The following DHX35 variants were observed in gnomAD, a reference collection of about 807,000 sequenced individuals.
DHX35 encodes the protein probable ATP-dependent RNA helicase DHX35.
In DHX35, 84 loss-of-function variants were observed where a neutral mutation model predicts 99.6. That is an observed-to-expected ratio of 0.84 (90% confidence interval 0.71 to 1.01). The LOEUF (loss-of-function observed/expected upper bound fraction) is 1.01. Among genes scored for constraint, DHX35 ranks in the 50% least tolerant of loss-of-function variants. The pLI, the probability that DHX35 is intolerant of heterozygous loss-of-function variation, is 0.00. For missense variants in DHX35, 852 were observed against 888.5 expected (o/e 0.96, Z 0.52); for synonymous variants, 331 against 316.2 (o/e 1.05, Z -0.50).
chr20:39,015,739 G>C (rs138828615), intron 14 of DHX35, among the ~76,000 whole-genome samples: 94 of 152,010 alleles, frequency 6.2e-4, no homozygotes, highest in African/African-American at 2.2e-3. Flanking sequence ...AAATTCAGAG[G>C]CTTTTAGCAT....
chr20:38,987,557 A>C (rs2086269477), intron 4 of DHX35, among the ~76,000 whole-genome samples: 2 of 152,196 alleles, frequency 1.3e-5, no homozygotes, highest in South Asian at 4.2e-4. Flanking sequence ...AATTAAACTA[A>C]ATGATATTCA....
Position 39,006,285 on chromosome 20 carries a change from A to C in DHX35, c.1151A>C (p.Gln384Pro). Residue 384 changes from glutamine (Q) to proline (P), a missense_variant, in exon 12 of 22, where the codon CAG (glutamine) becomes CCG (proline). Physicochemically the swap from Gln to Pro is moderately conservative, Grantham distance 76 (BLOSUM62 -1). Transcript: ENST00000252011. ...TGCTTGGTGGTGGTGCCAGTCTCCCAGGCATCAGCTAATCAGCGAGCAGGA... is the reference window on the plus strand; with the variant it reads ...TGCTTGGTGGTGGTGCCAGTCTCCCCGGCATCAGCTAATCAGCGAGCAGGA... ...IECLVVVPVS[Q>P]ASANQRAGRG... 6.2e-7 allele frequency: 1 copy of C among 1,614,162 alleles called. No homozygotes were observed. Among genetic ancestry groups the C allele is most frequent in the East Asian group, 2.2e-5 (1 of 44,878 alleles).
At chr20:38,963,837 T>C (rs949800485) in intron 1 of DHX35, among the ~76,000 whole-genome samples, 2 of 152,186 alleles carry the variant, frequency 1.3e-5, no homozygotes, top group African/African-American at 2.4e-5. Context: ...AAGTTAGATG[T>C]CCTCTAGAAG....
At chr20:38,995,505 CAA>C (rs1412726950) in intron 8 of DHX35, among the ~76,000 whole-genome samples, 3 of 147,936 alleles carry the variant, frequency 2.0e-5, no homozygotes, top group Non-Finnish European at 3.0e-5. Context: ...GCTTGGGCAA[CAA>C]GAGCAAAACT....
At chr20:39,033,322 G>A (rs2087090330) in intron 20 of DHX35, among the ~76,000 whole-genome samples, 1 of 152,062 alleles carries the variant, frequency 6.6e-6, no homozygotes, top group South Asian at 2.1e-4. Flanking sequence ...GTTAAATTTG[G>A]GAGTTGCTTA....
intron 11 of DHX35, among the ~76,000 whole-genome samples, chr20:39,004,872 G>A (rs1278210912): frequency 6.6e-6 from 1 of 152,164 alleles, no homozygotes; most frequent in African/African-American, 2.4e-5. Context: ...AGACCACCTG[G>A]AAGAGGGTGC....
intron 10 of DHX35, among the ~76,000 whole-genome samples, chr20:39,003,323 G>C (rs1208008438): frequency 6.6e-6 from 1 of 152,168 alleles, no homozygotes; most frequent in African/African-American, 2.4e-5. Flanking sequence ...ATTCAGACCT[G>C]CCCTCCAACT....
chr20:39,032,204 GAC>G (rs2087065733), intron 20 of DHX35, among the ~76,000 whole-genome samples: 1 of 152,144 alleles, frequency 6.6e-6, no homozygotes, highest in South Asian at 2.1e-4. Flanking sequence ...GTGTTTTTGA[GAC>G]AGTGTCTCAA....
At chr20:38,968,985 T>G (rs755017906) in intron 1 of DHX35, 96 bp from the exon 2 acceptor site, 11 of 1,342,570 alleles carry the variant, frequency 8.2e-6, no homozygotes, top group South Asian at 5.1e-5. Context: ...AAGTATTGCT[T>G]CTTCTGTATA....
chr20:39,035,311 A>T (rs1408514523), intron 21 of DHX35, among the ~76,000 whole-genome samples: 1 of 149,730 alleles, frequency 6.7e-6, no homozygotes, highest in African/African-American at 2.5e-5. Flanking sequence ...ACCTCTGGTG[A>T]TCCGCCCGCC....
intron 18 of DHX35, 24 bp downstream of exon 18, chr20:39,025,383 G>T: frequency 3.1e-6 from 5 of 1,609,626 alleles, no homozygotes; most frequent in Non-Finnish European, 4.2e-6. Flanking sequence ...GTCCCAGCTG[G>T]TGACCTCCCT....
At chr20:39,025,126 C>A in intron 17 of DHX35, 104 bp from the exon 18 acceptor site, 1 of 1,324,144 alleles carries the variant, frequency 7.6e-7, no homozygotes, top group South Asian at 1.7e-5. Flanking sequence ...GATCTTATGC[C>A]GTTGAACAGC....
chr20:38,976,954 A>T (rs2086088982), intron 3 of DHX35, among the ~76,000 whole-genome samples: 1 of 152,162 alleles, frequency 6.6e-6, no homozygotes, highest in Non-Finnish European at 1.5e-5. Flanking sequence ...TTTATGACTG[A>T]ATAGTATTCT....
chr20:38,980,436 A>C (rs954499108), intron 3 of DHX35, among the ~76,000 whole-genome samples: 12 of 151,378 alleles, frequency 7.9e-5, no homozygotes, highest in African/African-American at 2.7e-4. Context: ...GGGTCAATGC[A>C]TATAAGGCAC....
rs1353370633 is a variant in DHX35, at chr20:39,021,870, A to G, written c.1528A>G (p.Ser510Gly). The G allele has an allele frequency of 6.2e-7, 1 of 1,614,184 alleles. No individual in the cohort carries two copies. Among genetic ancestry groups the G allele is most frequent in the East Asian group, 2.2e-5 (1 of 44,890 alleles). Residue 510 changes from serine to glycine, a missense_variant, in exon 16 of 22, where the codon AGC becomes GGC. Transcript: ENST00000252011. ...GNFGCSQEILSIAAMMQIQNI... is the reference protein window; with the variant it reads ...GNFGCSQEILGIAAMMQIQNI... ...CTTCGGCTGTTCTCAGGAAATTCTA[A>G]GCATCGCTGCCATGATGCAGATCCA...
At chr20:39,025,427 C>A in intron 18 of DHX35, 68 bp downstream of exon 18, 1 of 1,577,114 alleles carries the variant, frequency 6.3e-7, no homozygotes, top group South Asian at 1.2e-5. Flanking sequence ...TCCTAAAGTT[C>A]TCATGCTGGG....
intron 7 of DHX35, 28 bp downstream of exon 7, chr20:38,992,453 G>T (rs565668084): frequency 1.2e-6 from 2 of 1,609,804 alleles, no homozygotes; most frequent in Admixed American, 1.7e-5. Flanking sequence ...GCTTTTCATT[G>T]TGTGTGTTTA....
chr20:39,034,142 A>G (rs2087103775), intron 20 of DHX35, 64 bp from the exon 21 acceptor site: 6 of 1,180,568 alleles, frequency 5.1e-6, no homozygotes, highest in Admixed American at 1.7e-5. Flanking sequence ...CAGCATGTCT[A>G]CCTGTGGTTC....
chr20:38,979,803 C>A (rs2086142565), intron 3 of DHX35, among the ~76,000 whole-genome samples: 1 of 147,682 alleles, frequency 6.8e-6, no homozygotes, highest in African/African-American at 2.5e-5. Context: ...TGAAATTCTA[C>A]AAACTATATG....
Sources: allele counts gnomAD v4.1 joint callset (sites outside exome capture counted in the v4.1 genomes callset), GRCh38; gene constraint gnomAD v4.1.1; transcripts MANE v1.5; gene names NCBI Gene and HGNC (gene_info 2026-07-23, HGNC 2026-07-21).